AS3MT: variants seen among roughly 807,000 people sequenced by gnomAD.
AS3MT encodes the protein S-adenosyl-L-methionine:arsenic(III) methyltransferase.
Under a neutral mutation model 45.3 loss-of-function variants are expected in AS3MT, and 47 were observed. The observed-to-expected ratio is 1.04, with a 90% CI of 0.82 to 1.32. The LOEUF (loss-of-function observed/expected upper bound fraction) is 1.32. Ranked by LOEUF, AS3MT falls within the 40% of genes most tolerant of loss-of-function variation. The pLI is 0.00. For missense variants in AS3MT, 396 were observed against 451.1 expected (o/e 0.88, Z 1.11); for synonymous variants, 141 against 152.8 (o/e 0.92, Z 0.57).
chr10:102,888,370 G>T (rs1467687075), intron 9 of AS3MT, among the ~76,000 whole-genome samples: 1 of 152,246 alleles, frequency 6.6e-6, no homozygotes, highest in South Asian at 2.1e-4. Flanking sequence ...AATTTGTAAA[G>T]ATTAAATTAG....
chr10:102,871,182 C>A (rs1313735039), intron 3 of AS3MT, among the ~76,000 whole-genome samples: 1 of 151,706 alleles, frequency 6.6e-6, no homozygotes. Context: ...AGGCGGAGGT[C>A]GCAGTGAGCG....
intron 9 of AS3MT, among the ~76,000 whole-genome samples, chr10:102,889,669 C>CT (rs1232763490): frequency 1.6e-5 from 2 of 126,560 alleles, no homozygotes. Context: ...CCTTCCCTTC[C>CT]TCCCTCCACC....
chr10:102,872,742 G>T, intron 4 of AS3MT, 144 bp downstream of exon 4: 1 of 931,014 alleles, frequency 1.1e-6, no homozygotes, highest in Non-Finnish European at 1.6e-6. Context: ...AGTGCTTCCT[G>T]TCTTGGAAAC....
Position 102,869,798 on chromosome 10 carries a change from C to T in AS3MT, c.2-7C>T, listed in dbSNP as rs768662562. The T allele has an allele frequency of 2.5e-6, 4 of 1,614,044 alleles. No individual in the cohort carries two copies. The highest frequency in any genetic ancestry group is 1.7e-5 in the Admixed American group (1 of 60,016). On this transcript the variant is annotated splice_polypyrimidine_tract_variant and splice_region_variant and intron_variant, in intron 1 of 10. Transcript: ENST00000369880. ...CTCCTTTCAACTAACTTTCCCGCTC[C>T]CGACAGTGGCTGCACTTCGTGACGC...
intron 9 of AS3MT, among the ~76,000 whole-genome samples, chr10:102,883,877 T>C (rs930725819): frequency 6.6e-6 from 1 of 152,078 alleles, no homozygotes; most frequent in Admixed American, 6.6e-5. Flanking sequence ...TAAATCAAGA[T>C]AATTAAAATG....
intron 7 of AS3MT, among the ~76,000 whole-genome samples, chr10:102,877,744 ACTT>A (rs1405985881): frequency 7.0e-5 from 9 of 128,976 alleles, no homozygotes; most frequent in African/African-American, 2.1e-4. Context: ...CCCAGTGATA[ACTT>A]CTTTTTTTTT....
intron 10 of AS3MT, among the ~76,000 whole-genome samples, chr10:102,893,211 T>C (rs1692364550): frequency 6.6e-6 from 1 of 152,028 alleles, no homozygotes. Flanking sequence ...GATAAGTCAA[T>C]TTTTTAACCT....
intron 4 of AS3MT, 51 bp downstream of exon 4, chr10:102,872,649 T>G: frequency 6.4e-7 from 1 of 1,556,642 alleles, no homozygotes. Flanking sequence ...AAAGCATTAT[T>G]TGAAAAATAA....
At chr10:102,875,920 A>AT (rs202218534) in intron 6 of AS3MT, among the ~76,000 whole-genome samples, 105 of 151,976 alleles carry the variant, frequency 6.9e-4, no homozygotes, top group Middle Eastern at 3.4e-3. Context: ...CCTGGCCAAA[A>AT]TTTTTTTTTA....
intron 10 of AS3MT, 132 bp from the exon 11 acceptor site, chr10:102,900,461 C>T (rs1016879439): frequency 1.6e-6 from 1 of 621,842 alleles, no homozygotes; most frequent in Admixed American, 2.8e-5. Context: ...ATGTTACTCC[C>T]AGGATCTCAT....
intron 10 of AS3MT, among the ~76,000 whole-genome samples, chr10:102,897,157 G>A (rs545487517): frequency 2.0e-5 from 3 of 152,146 alleles, no homozygotes; most frequent in African/African-American, 7.2e-5. Flanking sequence ...GGCCGAGGCG[G>A]GTGGATCACG....
intron 9 of AS3MT, among the ~76,000 whole-genome samples, chr10:102,882,190 C>T (rs1013479614): frequency 4.6e-5 from 7 of 152,004 alleles, no homozygotes; most frequent in African/African-American, 7.2e-5. Flanking sequence ...CCACCCGCCT[C>T]GGCCTCCCAA....
intron 3 of AS3MT, 129 bp from the exon 4 acceptor site, chr10:102,872,319 G>A: frequency 1.0e-6 from 1 of 972,702 alleles, no homozygotes. Context: ...AAGTATGAGT[G>A]AATGATGCAA....
At chr10:102,890,497 A>G in intron 9 of AS3MT, 47 bp from the exon 10 acceptor site, 1 of 1,499,460 alleles carries the variant, frequency 6.7e-7, no homozygotes, top group Non-Finnish European at 9.0e-7. Flanking sequence ...TCTTCTATTG[A>G]GACTAAAGTT....
At chr10:102,873,947 G>A (rs911727194) in intron 5 of AS3MT, among the ~76,000 whole-genome samples, 1 of 152,084 alleles carries the variant, frequency 6.6e-6, no homozygotes, top group Non-Finnish European at 1.5e-5. Flanking sequence ...GCCTGTTTAC[G>A]TGAAGCATAA....
chr10:102,879,949 A>G (rs1329353081), intron 9 of AS3MT, among the ~76,000 whole-genome samples: 2 of 151,990 alleles, frequency 1.3e-5, no homozygotes. Flanking sequence ...TGCAGATATT[A>G]TGACATTTTA....
chr10:102,896,649 T>C (rs1291782405), intron 10 of AS3MT, among the ~76,000 whole-genome samples: 1 of 151,460 alleles, frequency 6.6e-6, no homozygotes, highest in Non-Finnish European at 1.5e-5. Context: ...CTACTAAAAA[T>C]ACAAAAAAAA....
In AS3MT at chr10:102,879,898, A is replaced by G. The variant is rs542584974; in HGVS notation, c.885+907A>G. 8.3e-3 allele frequency among the ~76,000 whole-genome samples: 970 copies of G among 116,676 alleles called. 11 individuals carry two copies. Among genetic ancestry groups the G allele is most frequent in the South Asian group, 0.015 (47 of 3,218 alleles). 76.5% of individuals were successfully genotyped at this position (116,676 alleles called of 152,430 possible). A position where few individuals can be genotyped will look rare whatever the true frequency, so the allele number is the denominator to read the frequency against. On this transcript the variant is annotated intron_variant, in intron 9 of 10. Coordinates refer to ENST00000369880, the MANE Select transcript of AS3MT (RefSeq NM_020682.4). ...CATGTTTGTGTGTTTATATGTGTAT[A>G]TATATATATATATTTATTTGCTGAG...
chr10:102,886,395 G>A (rs1844957638), intron 9 of AS3MT, among the ~76,000 whole-genome samples: 1 of 146,788 alleles, frequency 6.8e-6, no homozygotes, highest in Non-Finnish European at 1.5e-5. Context: ...CGCGATCTCA[G>A]CTCACTGCAA....
Sources: allele counts gnomAD v4.1 joint callset (sites outside exome capture counted in the v4.1 genomes callset), GRCh38; gene constraint gnomAD v4.1.1; transcripts MANE v1.5; gene names NCBI Gene and HGNC (gene_info 2026-07-23, HGNC 2026-07-21).